The following ROBO1 variants were observed in gnomAD, a reference collection of about 807,000 sequenced individuals.
The protein encoded by ROBO1 is roundabout homolog 1.
Under a neutral mutation model 195.9 loss-of-function variants are expected in ROBO1, and 149 were observed. The observed-to-expected ratio is 0.76, with a 90% confidence interval of 0.67 to 0.87. ROBO1 has a LOEUF of 0.87. Among genes scored for constraint, ROBO1 ranks in the 40% least tolerant of loss-of-function variants. The pLI is 0.00. For synonymous variants in ROBO1, 816 were observed against 733.2 expected (o/e 1.11, Z -1.82); for missense variants, 1,933 against 2,068.3 (o/e 0.93, Z 1.27).
At position 79,295,534 on chromosome 3, in the gene ROBO1, C is replaced by T. The variant is rs371786444; in HGVS notation, c.89-169995G>A. 8.5e-5 allele frequency among the ~76,000 whole-genome samples: 13 copies of T among 152,112 alleles called. No homozygotes were observed. In the East Asian group the frequency reaches 1.4e-3, roughly 16 times the overall value. On this transcript the variant is annotated intron_variant, in intron 2 of 30. Coordinates refer to ENST00000464233, the MANE Select transcript of ROBO1 (RefSeq NM_002941.4). The stretch of plus-strand genomic sequence containing the variant: ...ATGGGTGCAGCAAACCACTATGGCA[C>T]GTGTATACCTATGTAACAAACCTGC...
At chr3:78,760,045 C>T (rs972666215) in intron 4 of ROBO1, among the ~76,000 whole-genome samples, 2 of 152,152 alleles carry the variant, frequency 1.3e-5, no homozygotes, top group South Asian at 2.1e-4. Context: ...GAGTGGTTTC[C>T]CCCATGCTGT....
intron 2 of ROBO1, among the ~76,000 whole-genome samples, chr3:79,412,600 A>G (rs902842940): frequency 6.6e-6 from 1 of 152,152 alleles, no homozygotes; most frequent in Non-Finnish European, 1.5e-5. Flanking sequence ...ATCTGCTGCT[A>G]AGACATGATA....
At chr3:79,164,270 C>G (rs923540875) in intron 2 of ROBO1, among the ~76,000 whole-genome samples, 8 of 152,114 alleles carry the variant, frequency 5.3e-5, no homozygotes, top group African/African-American at 1.9e-4. Context: ...CAGACTATAT[C>G]AGGCAGTGAA....
chr3:78,856,727 A>C (rs1164945971), intron 4 of ROBO1, among the ~76,000 whole-genome samples: 1 of 151,520 alleles, frequency 6.6e-6, no homozygotes, highest in Non-Finnish European at 1.5e-5. Flanking sequence ...TGAAAGAAAA[A>C]AGTGTTTTCT....
At chr3:79,222,841 C>T (rs1358336029) in intron 2 of ROBO1, among the ~76,000 whole-genome samples, 2 of 152,024 alleles carry the variant, frequency 1.3e-5, no homozygotes, top group Non-Finnish European at 2.9e-5. Context: ...TTTTGTCCAA[C>T]ACAAAACAAA....
intron 2 of ROBO1, among the ~76,000 whole-genome samples, chr3:79,159,361 T>G (rs2080914324): frequency 6.6e-6 from 1 of 152,030 alleles, no homozygotes; most frequent in Non-Finnish European, 1.5e-5. Context: ...GTATGACCTA[T>G]CATTTAATAA....
chr3:79,275,108 G>A (rs547871481), intron 2 of ROBO1, among the ~76,000 whole-genome samples: 22 of 151,968 alleles, frequency 1.4e-4, no homozygotes, highest in Admixed American at 1.1e-3. Flanking sequence ...AGAGTAATAA[G>A]GAATACTTCC....
At chr3:79,222,254 G>A (rs2082153609) in intron 2 of ROBO1, among the ~76,000 whole-genome samples, 1 of 151,950 alleles carries the variant, frequency 6.6e-6, no homozygotes, top group Non-Finnish European at 1.5e-5. Context: ...GATGTAAATG[G>A]AAAGAACTCA....
chr3:78,866,850 T>A (rs2035213876), intron 4 of ROBO1, among the ~76,000 whole-genome samples: 1 of 152,090 alleles, frequency 6.6e-6, no homozygotes, highest in Non-Finnish European at 1.5e-5. Flanking sequence ...ATAAATATAG[T>A]CTGTAATTCT....
intron 18 of ROBO1, 37 bp downstream of exon 18, chr3:78,657,061 T>G: frequency 5.8e-6 from 9 of 1,544,150 alleles, no homozygotes; most frequent in Non-Finnish European, 7.9e-6. Flanking sequence ...CATGGTAGAG[T>G]GAGAGATTGT....
At chr3:78,833,919 A>C (rs1417220531) in intron 4 of ROBO1, among the ~76,000 whole-genome samples, 1 of 152,200 alleles carries the variant, frequency 6.6e-6, no homozygotes, top group Non-Finnish European at 1.5e-5. Flanking sequence ...AAACAATAAC[A>C]AAACAATGGG....
At chr3:79,562,737 A>G (rs1942964434) in intron 2 of ROBO1, among the ~76,000 whole-genome samples, 1 of 152,104 alleles carries the variant, frequency 6.6e-6, no homozygotes, top group Non-Finnish European at 1.5e-5. Flanking sequence ...TACCTTGCCA[A>G]ATTTATTTCT....
At chr3:79,178,973 C>T (rs2081299290) in intron 2 of ROBO1, among the ~76,000 whole-genome samples, 1 of 152,072 alleles carries the variant, frequency 6.6e-6, no homozygotes, top group Non-Finnish European at 1.5e-5. Context: ...GAATTGGCTG[C>T]CAAACTTTAC....
At chr3:79,372,589 C>G (rs1208218874) in intron 2 of ROBO1, among the ~76,000 whole-genome samples, 1 of 151,920 alleles carries the variant, frequency 6.6e-6, no homozygotes, top group Admixed American at 6.6e-5. Flanking sequence ...TCTGCCTTCC[C>G]CCCTACCCCT....
At chr3:78,630,452 A>G (rs553976461) in intron 25 of ROBO1, among the ~76,000 whole-genome samples, 3 of 152,326 alleles carry the variant, frequency 2.0e-5, no homozygotes, top group African/African-American at 7.2e-5. Flanking sequence ...CTGTGTGTGG[A>G]GAATGAAGGA....
At chr3:79,182,667 A>G (rs2081362352) in intron 2 of ROBO1, among the ~76,000 whole-genome samples, 1 of 152,124 alleles carries the variant, frequency 6.6e-6, no homozygotes, top group Non-Finnish European at 1.5e-5. Context: ...TAGAGGACAT[A>G]TAAAGAGGAG....
intron 3 of ROBO1, among the ~76,000 whole-genome samples, chr3:78,968,872 A>G (rs932113159): frequency 4.6e-5 from 7 of 152,210 alleles, no homozygotes; most frequent in African/African-American, 1.7e-4. Flanking sequence ...AACAGGCACA[A>G]ATAGGCACCA....
intron 1 of ROBO1, among the ~76,000 whole-genome samples, chr3:79,597,213 C>A (rs996440529): frequency 2.6e-5 from 4 of 151,678 alleles, no homozygotes; most frequent in Non-Finnish European, 5.9e-5. Context: ...TGTATAAGTC[C>A]GCAGTTAACT....
intron 1 of ROBO1, among the ~76,000 whole-genome samples, chr3:79,648,707 CATT>C (rs1945908395): frequency 6.6e-6 from 1 of 151,904 alleles, no homozygotes; most frequent in Admixed American, 6.6e-5. Flanking sequence ...AATGAATTGT[CATT>C]ATGAGTCTTG....
Sources: gnomAD v4.1 joint callset for allele counts (sites outside exome capture counted in the v4.1 genomes callset) on GRCh38, gnomAD v4.1.1 for gene constraint, MANE v1.5 for transcripts, NCBI Gene and HGNC (gene_info 2026-07-23, HGNC 2026-07-21) for gene names.